Variants in RAD51B observed in about 807,000 individuals in gnomAD.
The protein encoded by RAD51B is RAD51 paralog B.
In RAD51B, 38 loss-of-function variants were observed where a neutral mutation model predicts 42.2. The observed-to-expected ratio is 0.90, with a 90% CI of 0.70 to 1.18. The LOEUF (loss-of-function observed/expected upper bound fraction) is 1.18. Among genes scored for constraint, RAD51B ranks in the 50% most tolerant of loss-of-function variants. The pLI is 0.00. For synonymous variants in RAD51B, 154 were observed against 145.2 expected, an observed-to-expected ratio of 1.06 and a Z score of -0.43; for missense variants, 373 against 400.7, an observed-to-expected ratio of 0.93 and a Z score of 0.59.
At chr14:68,504,936 T>A (rs1566917569) in intron 10 of RAD51B, among the ~76,000 whole-genome samples, 1 of 152,058 alleles carries the variant, frequency 6.6e-6, no homozygotes, top group Admixed American at 6.5e-5. Flanking sequence ...GGCCAGGGCG[T>A]TTCAGCAAGG....
intron 7 of RAD51B, among the ~76,000 whole-genome samples, chr14:68,011,347 C>A (rs1360201672): frequency 6.6e-6 from 1 of 151,940 alleles, no homozygotes; most frequent in Admixed American, 6.6e-5. Flanking sequence ...AGTTCATTTC[C>A]TCACTCCCAT....
At chr14:68,366,560 T>G (rs1347190802) in intron 8 of RAD51B, among the ~76,000 whole-genome samples, 1 of 152,226 alleles carries the variant, frequency 6.6e-6, no homozygotes. Context: ...CCTTGAAGGC[T>G]CATCTGAACA....
chr14:68,587,216 G>A (rs1890532818), intron 10 of RAD51B, among the ~76,000 whole-genome samples: 1 of 152,130 alleles, frequency 6.6e-6, no homozygotes, highest in African/African-American at 2.4e-5. Flanking sequence ...GCAGAGGTTG[G>A]GGTTGGGTTT....
At chr14:68,280,879 G>A (rs1156438368) in intron 7 of RAD51B, among the ~76,000 whole-genome samples, 1 of 152,062 alleles carries the variant, frequency 6.6e-6, no homozygotes, top group East Asian at 1.9e-4. Context: ...GGAACATAGG[G>A]AAACTCCGTC....
At chr14:68,224,268 T>G (rs558947730) in intron 7 of RAD51B, among the ~76,000 whole-genome samples, 28 of 152,342 alleles carry the variant, frequency 1.8e-4, no homozygotes, top group African/African-American at 6.5e-4. Context: ...TTACAATTCT[T>G]GGATAACTTT....
chr14:68,301,891 T>C (rs1175177230), intron 8 of RAD51B, among the ~76,000 whole-genome samples: 5 of 152,190 alleles, frequency 3.3e-5, no homozygotes, highest in African/African-American at 1.2e-4. Flanking sequence ...ACCACTGCGC[T>C]TGGCCAGAAT....
intron 8 of RAD51B, among the ~76,000 whole-genome samples, chr14:68,329,638 G>T (rs1056606091): frequency 1.3e-5 from 2 of 152,248 alleles, no homozygotes; most frequent in African/African-American, 2.4e-5. Context: ...CCTTTAAAAA[G>T]ATCATCTTAA....
At chr14:67,948,600 T>C (rs972518362) in intron 7 of RAD51B, among the ~76,000 whole-genome samples, 1 of 152,038 alleles carries the variant, frequency 6.6e-6, no homozygotes, top group Non-Finnish European at 1.5e-5. Flanking sequence ...TTATACTACA[T>C]TGTAGTCTAT....
At chr14:67,982,628 A>G (rs1035141185) in intron 7 of RAD51B, among the ~76,000 whole-genome samples, 3 of 152,124 alleles carry the variant, frequency 2.0e-5, no homozygotes, top group Non-Finnish European at 2.9e-5. Context: ...AATAACAGCA[A>G]TCTTCGTTTT....
intron 10 of RAD51B, among the ~76,000 whole-genome samples, chr14:68,564,239 G>C (rs12590644): frequency 0.19 from 29,373 of 152,178 alleles, 3,129 homozygotes; most frequent in East Asian, 0.38. Context: ...GGCTCTCTGC[G>C]GCCAATATCC....
At chr14:68,207,865 T>G (rs1042735314) in intron 7 of RAD51B, among the ~76,000 whole-genome samples, 1 of 152,170 alleles carries the variant, frequency 6.6e-6, no homozygotes, top group Non-Finnish European at 1.5e-5. Context: ...TTTGAGAATA[T>G]AACTTTTAAA....
intron 7 of RAD51B, among the ~76,000 whole-genome samples, chr14:68,032,312 A>G (rs1259395792): frequency 6.6e-6 from 1 of 152,114 alleles, no homozygotes; most frequent in African/African-American, 2.4e-5. Context: ...CTACTTCAGT[A>G]TTTAGCACTC....
intron 3 of RAD51B, among the ~76,000 whole-genome samples, chr14:67,832,391 T>C (rs959101328): frequency 1.3e-5 from 2 of 152,204 alleles, no homozygotes; most frequent in African/African-American, 4.8e-5. Flanking sequence ...GTTATAAAGG[T>C]ATTTGGTGTA....
At chr14:68,678,970 C>A (rs1168341713) in intron 11 of RAD51B, among the ~76,000 whole-genome samples, 1 of 152,098 alleles carries the variant, frequency 6.6e-6, no homozygotes, top group African/African-American at 2.4e-5. Flanking sequence ...CACCTCTTCC[C>A]TTCTCCCTTC....
chr14:67,897,068 A>G (rs2043446278), intron 7 of RAD51B, among the ~76,000 whole-genome samples: 1 of 152,180 alleles, frequency 6.6e-6, no homozygotes, highest in African/African-American at 2.4e-5. Flanking sequence ...TTGGGCCCTT[A>G]TTTTATACCA....
chr14:68,133,414 A>G (rs2140687702), intron 7 of RAD51B, among the ~76,000 whole-genome samples: 1 of 152,372 alleles, frequency 6.6e-6, no homozygotes, highest in South Asian at 2.1e-4. Context: ...TTTTTAAAAA[A>G]TGGAACCTGT....
At chr14:68,577,306 C>T (rs1594990682) in intron 10 of RAD51B, among the ~76,000 whole-genome samples, 1 of 152,094 alleles carries the variant, frequency 6.6e-6, no homozygotes, top group Non-Finnish European at 1.5e-5. Flanking sequence ...TAACTAGAGC[C>T]AAGCCACTGG....
intron 10 of RAD51B, among the ~76,000 whole-genome samples, chr14:68,622,723 CAA>C (rs34816047): frequency 0.22 from 24,845 of 115,230 alleles, 1,862 homozygotes; most frequent in Middle Eastern, 0.28. Context: ...TATCCATTTA[CAA>C]AAAAAAAAAA....
intron 7 of RAD51B, among the ~76,000 whole-genome samples, chr14:68,208,922 A>G (rs908308610): frequency 5.9e-5 from 9 of 152,228 alleles, no homozygotes; most frequent in Non-Finnish European, 8.8e-5. Context: ...GGCAACCTCT[A>G]TGGGCAATCT....
Sources: gnomAD v4.1 joint callset for allele counts (sites outside exome capture counted in the v4.1 genomes callset) on GRCh38, gnomAD v4.1.1 for gene constraint, MANE v1.5 for transcripts, NCBI Gene and HGNC (gene_info 2026-07-23, HGNC 2026-07-21) for gene names.